Variants in MAGI2 observed in about 807,000 individuals in gnomAD.
MAGI2 encodes membrane-associated guanylate kinase, WW and PDZ domain-containing protein 2.
Under a neutral mutation model 133.3 loss-of-function variants are expected in MAGI2, and 35 were observed. That is an observed-to-expected ratio of 0.26 (90% CI 0.20 to 0.35). The LOEUF (loss-of-function observed/expected upper bound fraction) is 0.35. Ranked by LOEUF, MAGI2 falls within the 10% of genes least tolerant of loss-of-function variation. The pLI, the probability that MAGI2 is intolerant of heterozygous loss-of-function variation, is 1.00. For missense variants in MAGI2, 1,636 were observed against 1,863.4 expected, an observed-to-expected ratio of 0.88 and a Z score of 2.25; for synonymous variants, 729 against 710.6, an observed-to-expected ratio of 1.03 and a Z score of -0.41.
At chr7:78,737,469 GT>G (rs1821975485) in intron 2 of MAGI2, among the ~76,000 whole-genome samples, 1 of 152,124 alleles carries the variant, frequency 6.6e-6, no homozygotes, top group Admixed American at 6.5e-5. Flanking sequence ...ACTAATCAAA[GT>G]TTTGGTGTAG....
At chr7:78,670,430 A>G (rs1228893251) in intron 2 of MAGI2, among the ~76,000 whole-genome samples, 2 of 152,212 alleles carry the variant, frequency 1.3e-5, no homozygotes, top group Admixed American at 6.5e-5. Context: ...GACGATACAA[A>G]CAAATGGAAG....
At chr7:78,696,734 A>C (rs1438908433) in intron 2 of MAGI2, among the ~76,000 whole-genome samples, 3 of 152,180 alleles carry the variant, frequency 2.0e-5, no homozygotes, top group African/African-American at 7.2e-5. Context: ...AACAGAATGT[A>C]AGAGTTACTT....
intron 2 of MAGI2, among the ~76,000 whole-genome samples, chr7:78,819,636 A>ATG (rs1217501482): frequency 6.6e-6 from 1 of 151,882 alleles, no homozygotes; most frequent in African/African-American, 2.4e-5. Context: ...GACAATGTGT[A>ATG]TGTGTGTGTG....
intron 3 of MAGI2, among the ~76,000 whole-genome samples, chr7:78,588,293 G>A (rs1803628698): frequency 6.6e-6 from 1 of 152,076 alleles, no homozygotes; most frequent in Non-Finnish European, 1.5e-5. Context: ...AAAATTTAAT[G>A]TTTACCTTCA....
intron 2 of MAGI2, among the ~76,000 whole-genome samples, chr7:78,678,869 T>C (rs376728613): frequency 6.6e-6 from 1 of 152,238 alleles, no homozygotes; most frequent in African/African-American, 2.4e-5. Flanking sequence ...CTTTCTGAAA[T>C]ATAGAGAACA....
intron 1 of MAGI2, among the ~76,000 whole-genome samples, chr7:79,217,935 G>T (rs1354659450): frequency 6.6e-6 from 1 of 151,954 alleles, no homozygotes; most frequent in Non-Finnish European, 1.5e-5. Context: ...GACAGCAAAT[G>T]ATGGCTTTCA....
intron 2 of MAGI2, among the ~76,000 whole-genome samples, chr7:78,797,459 T>A (rs1270017556): frequency 6.6e-6 from 1 of 152,098 alleles, no homozygotes; most frequent in Non-Finnish European, 1.5e-5. Flanking sequence ...GATGTATTAA[T>A]CTCAGGTGTA....
At chr7:79,316,768 A>G (rs79541384) in intron 1 of MAGI2, among the ~76,000 whole-genome samples, 2 of 152,262 alleles carry the variant, frequency 1.3e-5, no homozygotes, top group East Asian at 3.9e-4. Context: ...AGTGCAAATT[A>G]TGTGGTGGGC....
At chr7:78,447,661 G>C (rs1303674262) in intron 6 of MAGI2, among the ~76,000 whole-genome samples, 1 of 152,104 alleles carries the variant, frequency 6.6e-6, no homozygotes, top group African/African-American at 2.4e-5. Flanking sequence ...AAGAGAAGAG[G>C]CCTAAGAAAT....
At position 78,901,754 on chromosome 7, in the gene MAGI2, G is replaced by A. The variant is rs149761634; in HGVS notation, c.418+105336C>T. ...GTTCTTGTCAAACAAAAAGTAAATT[G>A]TTTTAAGGAAAAAGAATTCTTTTGA... On this transcript the variant is annotated intron_variant, in intron 2 of 21. Transcript: ENST00000354212. 2.6e-3 allele frequency among the ~76,000 whole-genome samples: 395 copies of A among 152,040 alleles called. 2 individuals are homozygous for A. The highest frequency in any genetic ancestry group is 8.8e-3 in the African/African-American group (366 of 41,488).
At chr7:78,027,838 T>C (rs1041820513) in intron 21 of MAGI2, among the ~76,000 whole-genome samples, 1 of 152,202 alleles carries the variant, frequency 6.6e-6, no homozygotes, top group African/African-American at 2.4e-5. Context: ...ACTGCTCAAA[T>C]GACTAGAATT....
At chr7:78,118,590 A>G (rs1162696925) in intron 20 of MAGI2, among the ~76,000 whole-genome samples, 1 of 152,270 alleles carries the variant, frequency 6.6e-6, no homozygotes, top group Non-Finnish European at 1.5e-5. Flanking sequence ...GCAGATTAGC[A>G]TATGAAAAGA....
intron 2 of MAGI2, among the ~76,000 whole-genome samples, chr7:78,721,393 T>G (rs981388767): frequency 6.6e-6 from 1 of 152,030 alleles, no homozygotes; most frequent in African/African-American, 2.4e-5. Context: ...TCCTACTATT[T>G]GTAGGTTCCT....
chr7:78,466,975 C>T (rs1790700779), intron 6 of MAGI2, among the ~76,000 whole-genome samples: 1 of 152,084 alleles, frequency 6.6e-6, no homozygotes, highest in African/African-American at 2.4e-5. Flanking sequence ...TTCCCAAATT[C>T]ACACAAAAGC....
chr7:79,069,323 T>C (rs1351605475), intron 1 of MAGI2, among the ~76,000 whole-genome samples: 1 of 152,176 alleles, frequency 6.6e-6, no homozygotes, highest in Non-Finnish European at 1.5e-5. Context: ...TTAGCTCTTC[T>C]TGTTGCATTG....
At chr7:78,303,118 C>T (rs971572182) in intron 9 of MAGI2, among the ~76,000 whole-genome samples, 1 of 152,096 alleles carries the variant, frequency 6.6e-6, no homozygotes, top group Non-Finnish European at 1.5e-5. Flanking sequence ...TGGCTCATGC[C>T]TGTAGTCCCA....
chr7:78,541,285 T>A (rs956305550), intron 3 of MAGI2, among the ~76,000 whole-genome samples: 2 of 152,224 alleles, frequency 1.3e-5, no homozygotes, highest in African/African-American at 2.4e-5. Context: ...CAGACACTGA[T>A]TGGTAGCCCA....
chr7:78,194,013 G>A (rs958452209), intron 12 of MAGI2, among the ~76,000 whole-genome samples: 2 of 152,130 alleles, frequency 1.3e-5, no homozygotes, highest in Non-Finnish European at 1.5e-5. Flanking sequence ...TTCATGCTAC[G>A]GATGATAAAG....
rs139123105 is a variant in MAGI2, at chr7:79,319,138, A to C, written c.301+133882T>G. 1.9e-3 allele frequency among the ~76,000 whole-genome samples: 289 copies of C among 152,164 alleles called. 1 individual carries two copies. Among genetic ancestry groups the C allele is most frequent in the African/African-American group, 6.3e-3 (263 of 41,510 alleles). ...AATATTTATTCAACTTTCTTTCCTG[A>C]CTTTCCTGCATTTGACTATCTACCC... On this transcript the variant is annotated intron_variant, in intron 1 of 21. Coordinates refer to ENST00000354212, the MANE Select transcript of MAGI2 (RefSeq NM_012301.4).
Sources: allele counts gnomAD v4.1 joint callset (sites outside exome capture counted in the v4.1 genomes callset), GRCh38; gene constraint gnomAD v4.1.1; transcripts MANE v1.5; gene names NCBI Gene and HGNC (gene_info 2026-07-23, HGNC 2026-07-21).